Variants in DDI2 observed in about 807,000 individuals in gnomAD.
DDI2 encodes the protein DDI proteasomal shuttling factor 2.
DDI2 carries 5 observed loss-of-function variants against 48.1 expected under a neutral mutation model. That is an observed-to-expected ratio of 0.10 (90% CI 0.05 to 0.22). The LOEUF (loss-of-function observed/expected upper bound fraction) is 0.22, where lower values mean the gene tolerates loss of function less well. Ranked by LOEUF, DDI2 falls within the 10% of genes least tolerant of loss-of-function variation. DDI2 has a pLI of 1.00. For missense variants in DDI2, 285 were observed against 506.2 expected (o/e 0.56, Z 4.19); for synonymous variants, 205 against 183.6 (o/e 1.12, Z -0.94).
At chr1:15,620,474 T>C (rs1343433615) in intron 1 of DDI2, among the ~76,000 whole-genome samples, 1 of 152,190 alleles carries the variant, frequency 6.6e-6, no homozygotes, top group African/African-American at 2.4e-5. Context: ...TCATCTTCCC[T>C]TCCTTTCCTA....
chr1:15,656,128 A>G (rs922420005), intron 8 of DDI2, among the ~76,000 whole-genome samples: 1 of 152,176 alleles, frequency 6.6e-6, no homozygotes, highest in Admixed American at 6.5e-5. Context: ...GGCCAGAGTC[A>G]CTGTGTTCAG....
Position 15,660,880 on chromosome 1 carries a change from T to C in DDI2, c.*1090T>C. On this transcript the variant is annotated 3_prime_UTR_variant, in exon 10 of 10. Coordinates refer to ENST00000480945, the MANE Select transcript of DDI2 (RefSeq NM_032341.5). Reference sequence around the variant, plus strand: ...CTCCTCTCCAAGTCTCTGTGGCAGTTGTCAGCCTTCTGTGGAGTCAGCAGA... The same window carrying C: ...CTCCTCTCCAAGTCTCTGTGGCAGTCGTCAGCCTTCTGTGGAGTCAGCAGA... 1 of 1,614,180 alleles carries C rather than the reference T, an allele frequency of 6.2e-7. No individual in the cohort carries two copies. The highest frequency in any genetic ancestry group is 1.1e-5 in the South Asian group (1 of 91,076).
chr1:15,634,022 C>G (rs1428460761), intron 4 of DDI2: 1 of 278,906 alleles, frequency 3.6e-6, no homozygotes, highest in African/African-American at 2.2e-5. Context: ...GTTGGTAGTC[C>G]TAAGTCTGTT....
intron 6 of DDI2, among the ~76,000 whole-genome samples, chr1:15,645,326 C>T (rs1338059627): frequency 2.6e-5 from 4 of 152,192 alleles, no homozygotes; most frequent in Admixed American, 1.3e-4. Flanking sequence ...TCTAGACGCT[C>T]ACATCCCTCT....
intron 3 of DDI2, among the ~76,000 whole-genome samples, chr1:15,632,801 G>C (rs754388893): frequency 2.0e-5 from 3 of 151,782 alleles, no homozygotes; most frequent in Non-Finnish European, 4.4e-5. Flanking sequence ...TGGAGGAGTG[G>C]AGACATTGAT....
At chr1:15,652,478 G>C (rs1278040073) in intron 8 of DDI2, among the ~76,000 whole-genome samples, 2 of 107,946 alleles carry the variant, frequency 1.9e-5, no homozygotes, top group African/African-American at 3.5e-5. Flanking sequence ...GATCACCTGA[G>C]GTCAGGAGTT....
intron 8 of DDI2, among the ~76,000 whole-genome samples, 162 bp downstream of exon 8, chr1:15,652,057 C>CGTTTTTTTTTTTTTTTTTTTTTTT (rs1640192855): frequency 8.4e-6 from 1 of 119,128 alleles, no homozygotes; most frequent in African/African-American, 4.7e-5. Context: ...CTTTGATCTT[C>CGTTTTTTTTTTTTTTTTTTTTTTT]CTTTTTTTTT....
intron 4 of DDI2, among the ~76,000 whole-genome samples, chr1:15,636,958 T>C (rs186299854): frequency 5.4e-4 from 83 of 152,366 alleles, no homozygotes; most frequent in Admixed American, 5.4e-3. Context: ...TTACCAACCC[T>C]GGATTTACAG....
intron 1 of DDI2, among the ~76,000 whole-genome samples, chr1:15,625,428 G>GT (rs60801260): frequency 1.3e-5 from 2 of 151,944 alleles, no homozygotes; most frequent in East Asian, 1.9e-4. Flanking sequence ...CAGATTTTAT[G>GT]TTTTTTCATG....
chr1:15,653,582 T>TC (rs751967248), intron 8 of DDI2, among the ~76,000 whole-genome samples: 1 of 152,162 alleles, frequency 6.6e-6, no homozygotes, highest in Non-Finnish European at 1.5e-5. Context: ...GACAAGGTCT[T>TC]ACTCTGTCAC....
Position 15,617,725 on chromosome 1 carries a change from C to G in DDI2, c.55C>G (p.Leu19Val). 1.2e-6 allele frequency: 2 copies of G among 1,610,974 alleles called. No individual in the cohort carries two copies. The highest frequency in any genetic ancestry group is 1.1e-5 in the South Asian group (1 of 90,722). Residue 19 changes from leucine to valine, a missense_variant, in exon 1 of 10, where the codon CTC becomes GTC. By Grantham distance (32) the Leu-to-Val change is conservative (BLOSUM62 1). Coordinates refer to ENST00000480945, the MANE Select transcript of DDI2 (RefSeq NM_032341.5). ...GGACCTCTCCGAGGTGACCTTTTCCCTCCAGGTCGACGCCGACTTCGAGCT... is the reference window on the plus strand; with the variant it reads ...GGACCTCTCCGAGGTGACCTTTTCCGTCCAGGTCGACGCCGACTTCGAGCT... ...RRDLSEVTFS[L>V]QVDADFELHN...
rs1169495488 is a variant in DDI2, at chr1:15,643,616, G to A, written c.855G>A (p.Val285=). ...GGTGGGCAGGGATTGCCAAAGGAGT[G>A]GGCACCCAGAAGATTATTGGAAGGG... ...DRRWAGIAKG[V]GTQKIIGRVH... is the part of the protein sequence containing the mutation. Residue 285 remains valine (V), a synonymous_variant, in exon 6 of 10, where the codon GTG becomes GTA. Coordinates refer to ENST00000480945, the MANE Select transcript of DDI2 (RefSeq NM_032341.5). 1 of 1,614,002 alleles carries A rather than the reference G, an allele frequency of 6.2e-7. No individual in the cohort carries two copies. Among genetic ancestry groups the A allele is most frequent in the African/African-American group, 1.3e-5 (1 of 74,906 alleles).
Position 15,644,039 on chromosome 1 carries a change from A to G in DDI2, c.889+389A>G, listed in dbSNP as rs543074002. Among the ~76,000 whole-genome samples, 386 of 152,174 alleles carry G rather than the reference A, an allele frequency of 2.5e-3. 3 individuals carry two copies. Among genetic ancestry groups the G allele is most frequent in the African/African-American group, 8.9e-3 (370 of 41,510 alleles). ...AATTGAATGTGATTGCTTTTCTTTC[A>G]TGGCTAGTATTATTTTCTCTTAGAA... is the stretch of plus-strand genomic sequence containing the variant. On this transcript the variant is annotated intron_variant, in intron 6 of 9. Coordinates refer to ENST00000480945, the MANE Select transcript of DDI2 (RefSeq NM_032341.5).
chr1:15,632,491 C>T (rs1639860665), intron 3 of DDI2, among the ~76,000 whole-genome samples: 1 of 152,030 alleles, frequency 6.6e-6, no homozygotes, highest in Admixed American at 6.6e-5. Flanking sequence ...CAAGATTGCG[C>T]CATTGCTCCC....
At chr1:15,620,164 C>T (rs190451212) in intron 1 of DDI2, among the ~76,000 whole-genome samples, 10 of 152,272 alleles carry the variant, frequency 6.6e-5, no homozygotes, top group African/African-American at 2.4e-4. Flanking sequence ...GAAACTTGGG[C>T]TCCAACTGGT....
At chr1:15,650,751 C>T (rs183721521) in intron 7 of DDI2, among the ~76,000 whole-genome samples, 1 of 152,252 alleles carries the variant, frequency 6.6e-6, no homozygotes, top group East Asian at 1.9e-4. Context: ...GAGTTAAAAA[C>T]AATTGAAAAT....
intron 2 of DDI2, among the ~76,000 whole-genome samples, chr1:15,629,888 C>T (rs1339214230): frequency 1.3e-5 from 2 of 151,898 alleles, no homozygotes; most frequent in Non-Finnish European, 2.9e-5. Context: ...ACTGCGACCA[C>T]GCCCAGCTAA....
At chr1:15,629,697 T>C (rs190864583) in intron 2 of DDI2, among the ~76,000 whole-genome samples, 28 of 152,126 alleles carry the variant, frequency 1.8e-4, no homozygotes, top group Admixed American at 1.5e-3. Context: ...TCCAGACTTA[T>C]GCAATTATAT....
At chr1:15,627,989 C>G (rs1022061193) in intron 2 of DDI2, among the ~76,000 whole-genome samples, 1 of 151,980 alleles carries the variant, frequency 6.6e-6, no homozygotes, top group Admixed American at 6.5e-5. Flanking sequence ...ATTTAAACAA[C>G]TATGACAATC....
Sources: gnomAD v4.1 joint callset for allele counts (sites outside exome capture counted in the v4.1 genomes callset) on GRCh38, gnomAD v4.1.1 for gene constraint, MANE v1.5 for transcripts, NCBI Gene and HGNC (gene_info 2026-07-23, HGNC 2026-07-21) for gene names.